The following RBPMS variants were observed in gnomAD, a reference collection of about 807,000 sequenced individuals.
The protein encoded by RBPMS is RNA binding protein, mRNA processing factor.
RBPMS carries 7 observed loss-of-function variants against 26.8 expected under a neutral mutation model. The ratio of observed to expected loss-of-function variants is 0.26; its 90% CI spans 0.15 to 0.49. RBPMS has a LOEUF of 0.49. Ranked by LOEUF, RBPMS falls within the 20% of genes least tolerant of loss-of-function variation. The pLI is 0.98. For missense variants in RBPMS, 186 were observed against 250.0 expected, an observed-to-expected ratio of 0.74 and a Z score of 1.73; for synonymous variants, 96 against 93.3, an observed-to-expected ratio of 1.03 and a Z score of -0.17.
At chr8:30,548,438 A>C (rs1481363384) in intron 6 of RBPMS, among the ~76,000 whole-genome samples, 1 of 152,194 alleles carries the variant, frequency 6.6e-6, no homozygotes, top group Non-Finnish European at 1.5e-5. Flanking sequence ...AGTAGGACTG[A>C]GAGAGAAAGT....
At chr8:30,423,181 C>CTTGG (rs1475794572) in intron 1 of RBPMS, among the ~76,000 whole-genome samples, 1 of 152,230 alleles carries the variant, frequency 6.6e-6, no homozygotes, top group Non-Finnish European at 1.5e-5. Context: ...CCAGCCTCGC[C>CTTGG]TACCAGTTCT....
intron 1 of RBPMS, among the ~76,000 whole-genome samples, chr8:30,424,161 G>A (rs1811108282): frequency 6.6e-6 from 1 of 152,162 alleles, no homozygotes; most frequent in Non-Finnish European, 1.5e-5. Flanking sequence ...TGTCTTCATA[G>A]TGCATGAGTT....
chr8:30,566,342 A>G lies in RBPMS; in HGVS notation c.*93A>G, dbSNP rs1827884237. 3.1e-6 allele frequency: 3 copies of G among 961,852 alleles called. No individual in the cohort carries two copies. The highest frequency in any genetic ancestry group is 3.9e-5 in the African/African-American group (2 of 51,642). 59.6% of individuals were successfully genotyped at this position (961,852 alleles called of 1,614,324 possible). On this transcript the variant is annotated 3_prime_UTR_variant, in exon 8 of 9. Coordinates refer to ENST00000397323, the MANE Select transcript of RBPMS (RefSeq NM_001008710.3). ...GTGGCTACTGTTCTCTAGCTGTTCTACAAAACTGGAGCATGCTGGTGAGTA... is the reference window on the plus strand; with the variant it reads ...GTGGCTACTGTTCTCTAGCTGTTCTGCAAAACTGGAGCATGCTGGTGAGTA...
chr8:30,409,621 C>T (rs1809057242), intron 1 of RBPMS, among the ~76,000 whole-genome samples: 1 of 152,138 alleles, frequency 6.6e-6, no homozygotes, highest in South Asian at 2.1e-4. Context: ...CGTCCTAATA[C>T]ATTCTTTATT....
intron 1 of RBPMS, among the ~76,000 whole-genome samples, chr8:30,462,359 C>T (rs1816007713): frequency 6.6e-6 from 1 of 151,750 alleles, no homozygotes; most frequent in South Asian, 2.1e-4. Flanking sequence ...CCATATACTA[C>T]AATAAAAAGT....
At chr8:30,446,796 T>TGTGTGTGTGC (rs1491398571) in intron 1 of RBPMS, 1 of 39,092 alleles carries the variant, frequency 2.6e-5, no homozygotes, top group African/African-American at 8.4e-5. Flanking sequence ...ACACATGGCT[T>TGTGTGTGTGC]GTGTGTGTGT....
At chr8:30,487,094 T>A (rs1053230574) in intron 4 of RBPMS, among the ~76,000 whole-genome samples, 2 of 152,224 alleles carry the variant, frequency 1.3e-5, no homozygotes, top group African/African-American at 4.8e-5. Context: ...TTTTGCTAGA[T>A]CTTGTTTTGG....
chr8:30,392,248 G>A lies in RBPMS; in HGVS notation c.66+7090G>A, dbSNP rs78172136. Among the ~76,000 whole-genome samples the A allele has an allele frequency of 1.8e-3, 268 of 152,220 alleles. 4 individuals carry two copies. The East Asian group carries it at 0.034, about 19-fold the overall frequency. Reference sequence around the variant, plus strand: ...AAAGAGTCAGTTCTTTAAAGATGACGTATGAGCTAAATCTCAGTTAAGATT... The same window carrying A: ...AAAGAGTCAGTTCTTTAAAGATGACATATGAGCTAAATCTCAGTTAAGATT... On this transcript the variant is annotated intron_variant, in intron 1 of 8. Transcript: ENST00000397323.
At chr8:30,511,603 GTATA>G (rs1164375151) in intron 5 of RBPMS, among the ~76,000 whole-genome samples, 1 of 146,510 alleles carries the variant, frequency 6.8e-6, no homozygotes, top group African/African-American at 2.5e-5. Context: ...ATATATTTGT[GTATA>G]TATATATTTG....
chr8:30,469,356 G>A (rs997899435), intron 1 of RBPMS, among the ~76,000 whole-genome samples: 1 of 152,244 alleles, frequency 6.6e-6, no homozygotes, highest in Admixed American at 6.5e-5. Context: ...CCTAGTGGGA[G>A]CTGGCAATGC....
At chr8:30,466,219 T>C (rs1563345416) in intron 1 of RBPMS, among the ~76,000 whole-genome samples, 4 of 152,334 alleles carry the variant, frequency 2.6e-5, no homozygotes, top group East Asian at 1.9e-4. Flanking sequence ...AATATATGGA[T>C]GGCTTTTTCT....
chr8:30,466,597 CTTT>C (rs1161388621), intron 1 of RBPMS, among the ~76,000 whole-genome samples: 9 of 138,804 alleles, frequency 6.5e-5, no homozygotes, highest in Non-Finnish European at 9.4e-5. Flanking sequence ...TCTTTTTTTT[CTTT>C]TTTTTTTTTT....
rs1372530116 is a variant in RBPMS, at chr8:30,571,929, T to C, written c.*1404T>C. 6.6e-6 allele frequency: 1 copy of C among 152,250 alleles called. No individual in the cohort carries two copies. Among genetic ancestry groups the C allele is most frequent in the Non-Finnish European group, 1.5e-5 (1 of 68,042 alleles). The allele number at this position is 152,250 out of a possible 1,614,324, so 9.4% of individuals were successfully genotyped here. The stretch of plus-strand genomic sequence containing the variant: ...AATTTCAATGTCATGATTACCTGGT[T>C]GGTTTGGGTTTTTGTTTTGTTATTT... On this transcript the variant is annotated 3_prime_UTR_variant, in exon 9 of 9. Coordinates refer to ENST00000397323, the MANE Select transcript of RBPMS (RefSeq NM_001008710.3).
chr8:30,461,811 C>T (rs1244532065), intron 1 of RBPMS, among the ~76,000 whole-genome samples: 2 of 152,154 alleles, frequency 1.3e-5, no homozygotes. Context: ...TGATATAATC[C>T]ACTAATTTTG....
At chr8:30,496,341 T>A (rs1819951779) in intron 4 of RBPMS, among the ~76,000 whole-genome samples, 2 of 152,104 alleles carry the variant, frequency 1.3e-5, no homozygotes, top group Admixed American at 6.5e-5. Flanking sequence ...GCTAATTTTT[T>A]GTATTTTTAG....
chr8:30,487,423 G>A (rs539387850), intron 4 of RBPMS, among the ~76,000 whole-genome samples: 1 of 152,174 alleles, frequency 6.6e-6, no homozygotes, highest in South Asian at 2.1e-4. Flanking sequence ...TTAGGGAGTC[G>A]GGTAGGACTT....
chr8:30,531,584 G>A (rs1006856586), intron 5 of RBPMS, among the ~76,000 whole-genome samples: 2 of 152,214 alleles, frequency 1.3e-5, no homozygotes, highest in Non-Finnish European at 2.9e-5. Context: ...AGGATACCCT[G>A]TTCTCATATA....
At chr8:30,544,865 A>G (rs2151049277) in intron 6 of RBPMS, 1 of 1,509,018 alleles carries the variant, frequency 6.6e-7, no homozygotes, top group South Asian at 1.3e-5. Context: ...TTCCTTAATG[A>G]TCTCACCTCA....
chr8:30,462,474 A>G (rs1198311996), intron 1 of RBPMS, among the ~76,000 whole-genome samples: 1 of 151,912 alleles, frequency 6.6e-6, no homozygotes, highest in African/African-American at 2.4e-5. Context: ...CCCAGGCTAG[A>G]GTGTAATGGT....
Sources: allele counts gnomAD v4.1 joint callset (sites outside exome capture counted in the v4.1 genomes callset), GRCh38; gene constraint gnomAD v4.1.1; transcripts MANE v1.5; gene names NCBI Gene and HGNC (gene_info 2026-07-23, HGNC 2026-07-21).